Variants in PPP2R2B observed in about 807,000 individuals in gnomAD.
The protein encoded by PPP2R2B is serine/threonine-protein phosphatase 2A 55 kDa regulatory subunit B beta isoform.
PPP2R2B carries 5 observed loss-of-function variants against 46.0 expected under a neutral mutation model. The observed-to-expected ratio is 0.11, with a 90% CI of 0.06 to 0.23. The LOEUF is 0.23. Ranked by LOEUF, PPP2R2B falls within the 10% of genes least tolerant of loss-of-function variation. PPP2R2B has a pLI of 1.00. For synonymous variants in PPP2R2B, 215 were observed against 206.7 expected (o/e 1.04, Z -0.34); for missense variants, 367 against 575.0 (o/e 0.64, Z 3.70).
At chr5:146,682,937 GA>G (rs988117911) in intron 5 of PPP2R2B, among the ~76,000 whole-genome samples, 1 of 152,180 alleles carries the variant, frequency 6.6e-6, no homozygotes, top group Non-Finnish European at 1.5e-5. Flanking sequence ...GAGGAAAAAG[GA>G]AGGGATTTTA....
At chr5:147,002,970 G>A (rs1754249776) in intron 1 of PPP2R2B, among the ~76,000 whole-genome samples, 1 of 152,088 alleles carries the variant, frequency 6.6e-6, no homozygotes, top group African/African-American at 2.4e-5. Context: ...AAAAGAGGCA[G>A]CTCATTTTTT....
intron 2 of PPP2R2B, among the ~76,000 whole-genome samples, chr5:147,073,551 G>T (rs946925284): frequency 4.6e-5 from 7 of 152,156 alleles, no homozygotes; most frequent in African/African-American, 1.7e-4. Context: ...CAGAGGGAAG[G>T]TTTTCACTCC....
At chr5:146,964,453 T>G (rs1442233445) in intron 1 of PPP2R2B, among the ~76,000 whole-genome samples, 1 of 152,142 alleles carries the variant, frequency 6.6e-6, no homozygotes, top group African/African-American at 2.4e-5. Context: ...TTTTTTTATC[T>G]TGCAGGACCA....
upstream of PPP2R2B, among the ~76,000 whole-genome samples, chr5:147,060,335 A>C (rs1229542384): frequency 6.6e-6 from 1 of 152,188 alleles, no homozygotes; most frequent in South Asian, 2.1e-4. Context: ...CAGATAAAAT[A>C]CCTACTCTCA....
In PPP2R2B at chr5:146,811,623, C is replaced by T. The variant is rs370754913; in HGVS notation, c.70+66379G>A. Among the ~76,000 whole-genome samples, 156 of 142,508 alleles carry T rather than the reference C, an allele frequency of 1.1e-3. 2 individuals are homozygous for T. The highest frequency in any genetic ancestry group is 8.8e-3 in the South Asian group (39 of 4,454). The allele number at this position is 142,508 out of a possible 152,430, so 93.5% of individuals were successfully genotyped here. The stretch of plus-strand genomic sequence containing the variant: ...TTGCCCAGGCTGGAGTGCAGTGGCG[C>T]GATCTCGGCTCACTGCAACCTCCAC... On this transcript the variant is annotated intron_variant, in intron 2 of 9. Coordinates refer to ENST00000394411, the MANE Select transcript of PPP2R2B (RefSeq NM_181675.4).
chr5:147,024,232 G>C (rs10070306), intron 1 of PPP2R2B, among the ~76,000 whole-genome samples: 96,476 of 151,656 alleles, frequency 0.64, 31,595 homozygotes, highest in African/African-American at 0.78. Flanking sequence ...TCTGGAGAAC[G>C]CTAATACACT....
At chr5:147,039,571 C>G (rs1756199211) in intron 1 of PPP2R2B, among the ~76,000 whole-genome samples, 1 of 152,132 alleles carries the variant, frequency 6.6e-6, no homozygotes, top group Non-Finnish European at 1.5e-5. Context: ...CCAGTAAGCA[C>G]CCAAATTAGC....
intron 1 of PPP2R2B, among the ~76,000 whole-genome samples, chr5:146,978,287 T>G (rs1753009984): frequency 6.6e-6 from 1 of 152,216 alleles, no homozygotes. Flanking sequence ...GTCAGATGGA[T>G]AGACTGCAAA....
chr5:146,818,021 T>C (rs1758032725), intron 2 of PPP2R2B, among the ~76,000 whole-genome samples: 1 of 152,184 alleles, frequency 6.6e-6, no homozygotes, highest in South Asian at 2.1e-4. Context: ...GGCTGCCCTA[T>C]GCCCAAACCT....
chr5:146,837,734 T>A (rs1308794054), intron 2 of PPP2R2B, among the ~76,000 whole-genome samples: 1 of 152,248 alleles, frequency 6.6e-6, no homozygotes, highest in Non-Finnish European at 1.5e-5. Context: ...CTGGTGTGTA[T>A]TTTACACTTT....
At chr5:146,889,639 T>A (rs1441585493) in intron 1 of PPP2R2B, among the ~76,000 whole-genome samples, 1 of 150,260 alleles carries the variant, frequency 6.7e-6, no homozygotes, top group Non-Finnish European at 1.5e-5. Context: ...GCCTTATGCA[T>A]CTCTTTCTTT....
chr5:146,939,206 C>T (rs1197279114), intron 1 of PPP2R2B, among the ~76,000 whole-genome samples: 1 of 152,024 alleles, frequency 6.6e-6, no homozygotes, highest in Non-Finnish European at 1.5e-5. Context: ...TTATTTGATT[C>T]CCAATTGGAA....
At chr5:146,788,538 C>G (rs1010259847) in intron 2 of PPP2R2B, among the ~76,000 whole-genome samples, 3 of 152,048 alleles carry the variant, frequency 2.0e-5, no homozygotes, top group Non-Finnish European at 4.4e-5. Flanking sequence ...CAAGACCAGC[C>G]CAGCCAACAA....
chr5:146,799,002 A>G (rs904853113), intron 2 of PPP2R2B, among the ~76,000 whole-genome samples: 1 of 152,196 alleles, frequency 6.6e-6, no homozygotes, highest in Non-Finnish European at 1.5e-5. Flanking sequence ...TAGGTGACAG[A>G]TACACTGAAT....
chr5:146,857,621 C>T lies in PPP2R2B; in HGVS notation c.70+20381G>A, dbSNP rs567253500. Among the ~76,000 whole-genome samples the T allele has an allele frequency of 1.7e-3, 266 of 152,154 alleles. 1 individual carries two copies. The highest frequency in any genetic ancestry group is 6.2e-3 in the African/African-American group (257 of 41,510). On this transcript the variant is annotated intron_variant, in intron 2 of 9. Coordinates refer to ENST00000394411, the MANE Select transcript of PPP2R2B (RefSeq NM_181675.4). ...AGGTTAGTGTATTAACTTATTTGTCCTCTGTTTTGTAATCAAAACAACTGT... is the reference window on the plus strand; with the variant it reads ...AGGTTAGTGTATTAACTTATTTGTCTTCTGTTTTGTAATCAAAACAACTGT...
chr5:146,961,277 T>C (rs949202163), intron 1 of PPP2R2B, among the ~76,000 whole-genome samples: 1 of 152,192 alleles, frequency 6.6e-6, no homozygotes, highest in Non-Finnish European at 1.5e-5. Context: ...AACACCAATG[T>C]AGGTAAATCT....
At chr5:146,738,388 T>C (rs1752667517) in intron 2 of PPP2R2B, among the ~76,000 whole-genome samples, 1 of 106,740 alleles carries the variant, frequency 9.4e-6, no homozygotes, top group South Asian at 3.2e-4. Flanking sequence ...AAAGTGAGAC[T>C]CAGTCTCAAA....
intron 1 of PPP2R2B, among the ~76,000 whole-genome samples, chr5:147,043,439 G>A (rs1756405659): frequency 6.6e-6 from 1 of 152,048 alleles, no homozygotes; most frequent in Admixed American, 6.6e-5. Context: ...TGAGAAGACG[G>A]TCGTCAGCAA....
chr5:146,628,362 G>A (rs1774201469), intron 7 of PPP2R2B, among the ~76,000 whole-genome samples: 1 of 152,202 alleles, frequency 6.6e-6, no homozygotes. Flanking sequence ...GGGGATTTCT[G>A]TGGCCAATCC....
Sources: gnomAD v4.1 joint callset for allele counts (sites outside exome capture counted in the v4.1 genomes callset) on GRCh38, gnomAD v4.1.1 for gene constraint, MANE v1.5 for transcripts, NCBI Gene and HGNC (gene_info 2026-07-23, HGNC 2026-07-21) for gene names.